Variants in DLGAP2 observed in about 807,000 individuals in gnomAD.
The protein encoded by DLGAP2 is disks large-associated protein 2.
Under a neutral mutation model 100.3 loss-of-function variants are expected in DLGAP2, and 26 were observed. The observed-to-expected ratio is 0.26, with a 90% confidence interval of 0.19 to 0.36. The LOEUF (loss-of-function observed/expected upper bound fraction) is 0.36, where lower values mean the gene tolerates loss of function less well. DLGAP2 is among the 10% of genes least tolerant of loss of function. The probability of loss-of-function intolerance (pLI) is 1.00; values close to 1 mark genes in which losing one functional copy is unlikely to be tolerated. For synonymous variants in DLGAP2, 886 were observed against 630.1 expected (o/e 1.41, Z -6.08); for missense variants, 1,858 against 1,453.2 (o/e 1.28, Z -4.53).
At chr8:1,268,001 A>T (rs1342481970) in intron 3 of DLGAP2, among the ~76,000 whole-genome samples, 1 of 152,224 alleles carries the variant, frequency 6.6e-6, no homozygotes, top group Admixed American at 6.5e-5. Flanking sequence ...GCTATTCAAT[A>T]TGATAAGATA....
chr8:1,697,049 T>C, intron 13 of DLGAP2, 98 bp from the exon 14 acceptor site: 3 of 1,283,334 alleles, frequency 2.3e-6, no homozygotes, highest in African/African-American at 1.5e-5. Flanking sequence ...TTCTCCCTAA[T>C]CCGCCTCTTG....
intron 1 of DLGAP2, among the ~76,000 whole-genome samples, chr8:761,564 G>T (rs1439085933): frequency 6.6e-6 from 1 of 152,270 alleles, no homozygotes; most frequent in Non-Finnish European, 1.5e-5. Context: ...TGAAAGGCCA[G>T]TGTGGGGGAT....
intron 3 of DLGAP2, among the ~76,000 whole-genome samples, chr8:1,321,019 C>T (rs1191027903): frequency 1.3e-5 from 2 of 151,480 alleles, no homozygotes; most frequent in East Asian, 2.0e-4. Context: ...GTGTGGGCAT[C>T]CGTGTGCCTC....
intron 3 of DLGAP2, among the ~76,000 whole-genome samples, chr8:1,366,792 T>C (rs1007139994): frequency 6.6e-6 from 1 of 152,066 alleles, no homozygotes; most frequent in Non-Finnish European, 1.5e-5. Flanking sequence ...GCACGTTTGC[T>C]CAGAATAAGA....
chr8:1,606,761 C>A (rs1199613556), intron 6 of DLGAP2, among the ~76,000 whole-genome samples: 1 of 152,194 alleles, frequency 6.6e-6, no homozygotes, highest in East Asian at 1.9e-4. Context: ...CGGCTCACTA[C>A]AACCTCCGCC....
At chr8:1,208,278 T>C (rs1461693667) in intron 2 of DLGAP2, among the ~76,000 whole-genome samples, 1 of 152,228 alleles carries the variant, frequency 6.6e-6, no homozygotes, top group East Asian at 1.9e-4. Flanking sequence ...TTCTTCTATA[T>C]GTGGCTTGCC....
intron 2 of DLGAP2, among the ~76,000 whole-genome samples, chr8:1,227,153 G>GAGATAT (rs1554506451): frequency 2.2e-5 from 2 of 89,750 alleles, no homozygotes; most frequent in Non-Finnish European, 3.9e-5. Flanking sequence ...GAAACTGTGA[G>GAGATAT]ATATATATAT....
chr8:1,601,248 T>G (rs938559476), intron 6 of DLGAP2, among the ~76,000 whole-genome samples: 33 of 152,212 alleles, frequency 2.2e-4, no homozygotes, highest in Non-Finnish European at 4.1e-4. Flanking sequence ...TCTGGAAGCT[T>G]CGTCCCAGAG....
chr8:868,782 T>G (rs116627130), intron 1 of DLGAP2, among the ~76,000 whole-genome samples: 1,548 of 152,282 alleles, frequency 0.01, 27 homozygotes, highest in African/African-American at 0.035. Context: ...GGATCACGTG[T>G]TCATCTGAGG....
chr8:1,683,243 G>T (rs1015446057), intron 12 of DLGAP2, among the ~76,000 whole-genome samples: 9 of 151,656 alleles, frequency 5.9e-5, no homozygotes, highest in African/African-American at 2.2e-4. Context: ...GGAGAAGGTG[G>T]CACTGTGCTG....
intron 2 of DLGAP2, among the ~76,000 whole-genome samples, chr8:1,008,605 C>T (rs896966898): frequency 1.3e-5 from 2 of 152,214 alleles, no homozygotes; most frequent in South Asian, 2.1e-4. Context: ...CTTAGAGCTG[C>T]CTTTGTCAGT....
intron 2 of DLGAP2, among the ~76,000 whole-genome samples, chr8:1,162,969 A>G (rs533001130): frequency 6.6e-6 from 1 of 152,322 alleles, no homozygotes; most frequent in East Asian, 1.9e-4. Context: ...AGAGCTTGGT[A>G]GAAGGCACCT....
At chr8:1,682,957 CAT>C (rs1318812004) in intron 12 of DLGAP2, among the ~76,000 whole-genome samples, 1 of 151,266 alleles carries the variant, frequency 6.6e-6, no homozygotes, top group Non-Finnish European at 1.5e-5. Flanking sequence ...TTTTTTGAGC[CAT>C]CAGGATCCTC....
intron 4 of DLGAP2, among the ~76,000 whole-genome samples, chr8:1,504,847 T>C (rs1799851754): frequency 6.6e-6 from 1 of 152,224 alleles, no homozygotes; most frequent in Admixed American, 6.5e-5. Flanking sequence ...AGAGAGCAGA[T>C]ACCCCTTCCA....
rs559508166 is a variant in DLGAP2 at position 1,008,171 on chromosome 8, G to A, written c.73+100205G>A. 5.9e-5 allele frequency among the ~76,000 whole-genome samples: 9 copies of A among 152,326 alleles called. 1 individual carries two copies. In the East Asian group the frequency reaches 1.7e-3, roughly 29 times the overall value. ...AATTTTTGTTTGAAATCAGGAACTA[G>A]TTGAAACATTCAAGGTCAAGATCTT... On this transcript the variant is annotated intron_variant, in intron 2 of 14. Transcript: ENST00000637795.
intron 8 of DLGAP2, among the ~76,000 whole-genome samples, chr8:1,655,585 T>C (rs1798264429): frequency 1.3e-5 from 2 of 149,538 alleles, no homozygotes; most frequent in African/African-American, 2.5e-5. Context: ...GAATTCCAGG[T>C]GTAGAAGGAT....
chr8:1,276,483 G>A (rs767561920), intron 3 of DLGAP2, among the ~76,000 whole-genome samples: 10 of 152,116 alleles, frequency 6.6e-5, no homozygotes, highest in East Asian at 5.8e-4. Flanking sequence ...CTGCTGAGGC[G>A]GCATCTTCAC....
chr8:1,414,189 G>A (rs28670470), intron 3 of DLGAP2, among the ~76,000 whole-genome samples: 11,828 of 152,182 alleles, frequency 0.078, 655 homozygotes, highest in East Asian at 0.25. Flanking sequence ...ACTTATATTC[G>A]TAAAGATGGA....
At chr8:1,523,886 C>T (rs1800700411) in intron 4 of DLGAP2, among the ~76,000 whole-genome samples, 1 of 152,194 alleles carries the variant, frequency 6.6e-6, no homozygotes, top group South Asian at 2.1e-4. Context: ...CATAGAATTT[C>T]ACTTGTGAAT....
Sources: allele counts gnomAD v4.1 joint callset (sites outside exome capture counted in the v4.1 genomes callset), GRCh38; gene constraint gnomAD v4.1.1; transcripts MANE v1.5; gene names NCBI Gene and HGNC (gene_info 2026-07-23, HGNC 2026-07-21).